The following TBXAS1 variants were observed in gnomAD, a reference collection of about 807,000 sequenced individuals.
The protein encoded by TBXAS1 is thromboxane A synthase 1.
TBXAS1 carries 48 observed loss-of-function variants against 60.7 expected under a neutral mutation model. That is an observed-to-expected ratio of 0.79 (90% confidence interval 0.63 to 1.01). The LOEUF (loss-of-function observed/expected upper bound fraction) is 1.01, where lower values mean the gene tolerates loss of function less well. Among genes scored for constraint, TBXAS1 ranks in the 50% least tolerant of loss-of-function variants. The pLI, the probability that TBXAS1 is intolerant of heterozygous loss-of-function variation, is 0.00. For synonymous variants in TBXAS1, 287 were observed against 269.7 expected (o/e 1.06, Z -0.63); for missense variants, 685 against 686.3 (o/e 1.00, Z 0.02).
chr7:139,810,733 A>T (rs945208884), intron 4 of TBXAS1, among the ~76,000 whole-genome samples: 2 of 152,248 alleles, frequency 1.3e-5, no homozygotes, highest in Non-Finnish European at 2.9e-5. Context: ...CTTCACTAGG[A>T]TGACTTATTT....
chr7:139,973,184 TTC>T (rs1811332076), intron 9 of TBXAS1, among the ~76,000 whole-genome samples: 1 of 152,180 alleles, frequency 6.6e-6, no homozygotes, highest in African/African-American at 2.4e-5. Flanking sequence ...CTAGGGCAGC[TTC>T]CCATCCAGGA....
chr7:139,947,778 C>T (rs1025179871), intron 5 of TBXAS1, among the ~76,000 whole-genome samples: 1 of 152,156 alleles, frequency 6.6e-6, no homozygotes, highest in Non-Finnish European at 1.5e-5. Context: ...GGGAAACTTT[C>T]TCCCCTAGCT....
At chr7:139,959,739 C>A (rs1202243961) in intron 8 of TBXAS1, among the ~76,000 whole-genome samples, 1 of 152,190 alleles carries the variant, frequency 6.6e-6, no homozygotes, top group East Asian at 1.9e-4. Context: ...TACTCCTACA[C>A]TACCTCAGCA....
intron 9 of TBXAS1, among the ~76,000 whole-genome samples, chr7:139,983,281 T>C (rs1812094411): frequency 1.3e-5 from 2 of 152,196 alleles, no homozygotes; most frequent in Admixed American, 1.3e-4. Flanking sequence ...TTCCATGTGC[T>C]CTCACTGGGA....
At chr7:139,990,139 CCT>C (rs1812778339) in intron 9 of TBXAS1, among the ~76,000 whole-genome samples, 1 of 152,182 alleles carries the variant, frequency 6.6e-6, no homozygotes, top group Non-Finnish European at 1.5e-5. Flanking sequence ...CTTCTGTTCT[CCT>C]CTCCTCCCCC....
chr7:139,934,214 G>A (rs1216899175), intron 4 of TBXAS1, among the ~76,000 whole-genome samples: 1 of 151,380 alleles, frequency 6.6e-6, no homozygotes, highest in Non-Finnish European at 1.5e-5. Context: ...TTGAGATGAA[G>A]TTTCATTCTT....
intron 9 of TBXAS1, among the ~76,000 whole-genome samples, chr7:139,981,555 C>T (rs543651760): frequency 1.3e-5 from 2 of 152,298 alleles, no homozygotes; most frequent in African/African-American, 4.8e-5. Flanking sequence ...AATGCATTCC[C>T]CTTGCTCGTC....
intron 7 of TBXAS1, 159 bp from the exon 8 acceptor site, chr7:139,957,475 C>A: frequency 1.2e-6 from 1 of 861,364 alleles, no homozygotes; most frequent in Non-Finnish European, 1.9e-6. Context: ...GGGAGTGAGA[C>A]ATCACCCCTG....
chr7:139,985,821 T>C (rs1185766870), intron 9 of TBXAS1, among the ~76,000 whole-genome samples: 1 of 152,132 alleles, frequency 6.6e-6, no homozygotes, highest in Admixed American at 6.5e-5. Context: ...AATGAATGGG[T>C]GGACGGCGCT....
At chr7:139,845,338 C>G (rs541735230) in intron 1 of TBXAS1, among the ~76,000 whole-genome samples, 1 of 152,110 alleles carries the variant, frequency 6.6e-6, no homozygotes, top group Non-Finnish European at 1.5e-5. Context: ...TTTAACTCCC[C>G]TCGCTTCTCA....
Position 139,848,792 on chromosome 7 carries a change from C to G in TBXAS1, c.89+19313C>G, listed in dbSNP as rs147737329. On this transcript the variant is annotated intron_variant, in intron 1 of 12. Transcript: ENST00000448866. ...CATTAATGGGGCAGGGAAGAAGACT[C>G]TGTCCACTGTAGCGGGAGGCACTGC... 3.3e-5 allele frequency among the ~76,000 whole-genome samples: 5 copies of G among 152,284 alleles called. No individual in the cohort carries two copies. In the East Asian group the frequency reaches 9.6e-4, roughly 29 times the overall value.
chr7:139,985,445 G>C (rs1056794823), intron 9 of TBXAS1, among the ~76,000 whole-genome samples: 2 of 152,186 alleles, frequency 1.3e-5, no homozygotes, highest in African/African-American at 2.4e-5. Flanking sequence ...CAAAGGCCAG[G>C]GTGGTCGTTA....
chr7:139,830,675 G>A (rs1271528806), intron 1 of TBXAS1, among the ~76,000 whole-genome samples: 1 of 151,854 alleles, frequency 6.6e-6, no homozygotes, highest in African/African-American at 2.4e-5. Flanking sequence ...TTTATGCTCC[G>A]GGAAGCCCGA....
chr7:139,789,571 T>C (rs1797311886), intron 4 of TBXAS1: 1 of 151,782 alleles, frequency 6.6e-6, no homozygotes, highest in East Asian at 1.9e-4. Flanking sequence ...TAGTGAGATA[T>C]CTGACCCAAC....
chr7:139,886,329 T>C (rs1165862394), intron 3 of TBXAS1, among the ~76,000 whole-genome samples: 3 of 151,872 alleles, frequency 2.0e-5, no homozygotes, highest in Non-Finnish European at 2.9e-5. Flanking sequence ...TCTGACTCTC[T>C]GACATGTTCT....
At chr7:139,832,708 C>T (rs986675100) in intron 1 of TBXAS1, among the ~76,000 whole-genome samples, 21 of 152,202 alleles carry the variant, frequency 1.4e-4, no homozygotes, top group East Asian at 1.9e-4. Context: ...AGTTGTGAGA[C>T]AGAAGAACCA....
At chr7:139,894,912 T>C (rs773386143) in intron 3 of TBXAS1, among the ~76,000 whole-genome samples, 5 of 152,192 alleles carry the variant, frequency 3.3e-5, no homozygotes, top group Non-Finnish European at 7.3e-5. Flanking sequence ...TTCATGTCTC[T>C]TTTCCCAAAG....
chr7:139,833,578 G>T (rs866775813), intron 1 of TBXAS1, among the ~76,000 whole-genome samples: 16 of 151,530 alleles, frequency 1.1e-4, no homozygotes, highest in African/African-American at 2.9e-4. Flanking sequence ...CCAGCTACTT[G>T]GGAGGCTGAG....
Position 139,999,915 on chromosome 7 carries a change from G to A in TBXAS1, c.1135-7176G>A, listed in dbSNP as rs1354112820. Among the ~76,000 whole-genome samples, 1 of 152,098 alleles carries A rather than the reference G, an allele frequency of 6.6e-6. No homozygotes were observed. The highest frequency in any genetic ancestry group is 1.5e-5 in the Non-Finnish European group (1 of 68,030). On this transcript the variant is annotated intron_variant, in intron 9 of 12. Transcript: ENST00000448866. This position sits in a 1 kb window ranked among gnomAD's most constrained non-coding sequence, Gnocchi z 4.3. ...AAATGATAATTTTTCTATTAGGTCC[G>A]TGAATCTCCAGGAAAAATCTTTGTG...
Sources: gnomAD v4.1 joint callset for allele counts (sites outside exome capture counted in the v4.1 genomes callset) on GRCh38, gnomAD v4.1.1 for gene constraint, Gnocchi (gnomAD v3.1) non-coding constraint, MANE v1.5 for transcripts, NCBI Gene and HGNC (gene_info 2026-07-23, HGNC 2026-07-21) for gene names.